Variants in MGAM observed in about 807,000 individuals in gnomAD.
MGAM encodes the protein alpha-1,4-glucosidase.
Under a neutral mutation model 358.8 loss-of-function variants are expected in MGAM, and 253 were observed. The observed-to-expected ratio is 0.71, with a 90% CI of 0.64 to 0.78. The LOEUF is 0.78. MGAM is among the 30% of genes least tolerant of loss of function. The pLI is 0.00. For missense variants in MGAM, 3,080 were observed against 3,432.6 expected, an observed-to-expected ratio of 0.90 and a Z score of 2.57; for synonymous variants, 1,105 against 1,227.1, an observed-to-expected ratio of 0.90 and a Z score of 2.08.
rs782559466 is a variant in MGAM at position 142,008,507 on chromosome 7, C to T, written c.129C>T (p.Ala43=). ...TTTTTATGTTTGCTTTTGGTATAGCCCCAGATCCTGGGACAACTGGTACCC... is the reference window on the plus strand; with the variant it reads ...TTTTTATGTTTGCTTTTGGTATAGCTCCAGATCCTGGGACAACTGGTACCC... The part of the protein sequence containing the change: ...LLAKESLKST[A]PDPGTTGTPD... The change falls in exon 3 of 71, where the codon GCC becomes GCT. Residue 43 remains alanine (A), a splice_region_variant and synonymous_variant. Transcript: ENST00000475668. The T allele has an allele frequency of 6.2e-7, 1 of 1,607,572 alleles. No individual in the cohort carries two copies. Among genetic ancestry groups the T allele is most frequent in the Non-Finnish European group, 8.5e-7 (1 of 1,176,790 alleles).
chr7:142,105,988 C>A lies in MGAM; in HGVS notation c.*97C>A, dbSNP rs1254394429. ...ATTGTGTGTTGCTAATTTGTTCATA[C>A]CCACTATTGGTGAAATATTTCTGTT... On this transcript the variant is annotated 3_prime_UTR_variant, in exon 71 of 71. Coordinates refer to ENST00000475668, the MANE Select transcript of MGAM (RefSeq NM_001365693.1). The A allele has an allele frequency of 3.2e-6, 3 of 938,950 alleles. No homozygotes were observed. The highest frequency in any genetic ancestry group is 2.5e-5 in the East Asian group (1 of 40,274). The allele number at this position is 938,950 out of a possible 1,614,324, so 58.2% of individuals were successfully genotyped here. A position where few individuals can be genotyped will look rare whatever the true frequency, so the allele number is the denominator to read the frequency against.
rs1168535978 is a variant in MGAM, at chr7:142,062,658, C to T, written c.4213C>T (p.Pro1405Ser). 3.7e-6 allele frequency: 6 copies of T among 1,611,306 alleles called. No individual in the cohort carries two copies. The Admixed American group carries it at 5.0e-5, about 14-fold the overall frequency. The change falls in exon 35 of 71, where the codon CCA becomes TCA. Residue 1405 changes from proline to serine, a missense_variant. Physicochemically the swap from Pro to Ser is moderately conservative, Grantham distance 74. Transcript: ENST00000475668. ...KREIEELYNN[P>S]QNPERSLKFD... The stretch of plus-strand genomic sequence containing the variant: ...GGAAATAGAAGAACTATACAACAAT[C>T]CACAGAATCCAGAGAGGAGCTTGAA...
intron 53 of MGAM, among the ~76,000 whole-genome samples, 153 bp from the exon 54 acceptor site, chr7:142,084,366 A>G (rs1166709885): frequency 3.4e-5 from 5 of 146,308 alleles, no homozygotes; most frequent in African/African-American, 1.2e-4. Flanking sequence ...TTCTCCAAGT[A>G]TCCTAGTGGC....
In MGAM at chr7:142,073,035, C is replaced by T. The variant is rs375529845; in HGVS notation, c.5187-1050C>T. On this transcript the variant is annotated intron_variant, in intron 44 of 70. Transcript: ENST00000475668. ...ATATATGTTATAATTTATCTAGGAT[C>T]AGGTAATATTTTACTGGGTAAGTCT... Among the ~76,000 whole-genome samples the T allele has an allele frequency of 8.9e-5, 13 of 146,096 alleles. 1 individual carries two copies. Among genetic ancestry groups the T allele is most frequent in the African/African-American group, 2.9e-4 (12 of 41,198 alleles).
chr7:142,003,653 A>T (rs1265772717), intron 1 of MGAM, among the ~76,000 whole-genome samples: 1 of 152,050 alleles, frequency 6.6e-6, no homozygotes, highest in Non-Finnish European at 1.5e-5. Flanking sequence ...AGAATTTATG[A>T]CCAAGTCCTC....
rs149075924 is a variant in MGAM, at chr7:141,996,257, C to T, written c.-3+327C>T. Among the ~76,000 whole-genome samples the T allele has an allele frequency of 2.1e-3, 315 of 150,764 alleles. 4 individuals carry two copies. Among genetic ancestry groups the T allele is most frequent in the African/African-American group, 7.0e-3 (285 of 40,994 alleles). On this transcript the variant is annotated intron_variant, in intron 1 of 70. Transcript: ENST00000475668. ...TAGAGCTTGCAGTGAGCCGAGATCA[C>T]GCCACTGCACTCCAGCCTGGGTCGT... is the stretch of plus-strand genomic sequence containing the variant.
chr7:142,073,939 C>G lies in MGAM; in HGVS notation c.5187-146C>G. Reference sequence around the variant, plus strand: ...CTGTTGATATTATAGAAAAATGCATCTGTCGATTTTGTGTTTGTACCTCAA... The same window carrying G: ...CTGTTGATATTATAGAAAAATGCATGTGTCGATTTTGTGTTTGTACCTCAA... On this transcript the variant is annotated intron_variant, in intron 44 of 70. Transcript: ENST00000475668. The G allele has an allele frequency of 3.2e-6, 2 of 632,996 alleles. 1 individual carries two copies. The highest frequency in any genetic ancestry group is 5.6e-6 in the Non-Finnish European group (2 of 358,620). The allele number at this position is 632,996 out of a possible 1,614,324, so 39.2% of individuals were successfully genotyped here.
At chr7:142,055,056 C>G in intron 27 of MGAM, 148 bp downstream of exon 27, 1 of 1,029,908 alleles carries the variant, frequency 9.7e-7, no homozygotes. Context: ...CCTATTCTTA[C>G]AGGAAATCTT....
chr7:142,064,564 C>G lies in MGAM; in HGVS notation c.4484+42C>G, dbSNP rs374048326. On this transcript the variant is annotated intron_variant, in intron 37 of 70. Coordinates refer to ENST00000475668, the MANE Select transcript of MGAM (RefSeq NM_001365693.1). Reference sequence around the variant, plus strand: ...CTTCTCCAGCTGTCACAACCTATAGCGATTGCCAGTGACTGACATAGCTAC... The same window carrying G: ...CTTCTCCAGCTGTCACAACCTATAGGGATTGCCAGTGACTGACATAGCTAC... 201 of 1,553,356 alleles carry G rather than the reference C, an allele frequency of 1.3e-4. No individual in the cohort carries two copies. In the African/African-American group the frequency reaches 2.4e-3, roughly 18 times the overall value.
chr7:142,066,285 T>A (rs1427644999), intron 40 of MGAM, among the ~76,000 whole-genome samples: 1 of 146,280 alleles, frequency 6.8e-6, no homozygotes, highest in East Asian at 2.0e-4. Context: ...GGTGTCTCAA[T>A]GAACCATATT....
intron 10 of MGAM, 82 bp from the exon 11 acceptor site, chr7:142,030,280 T>A: frequency 1.4e-6 from 2 of 1,417,146 alleles, no homozygotes; most frequent in Non-Finnish European, 9.6e-7. Flanking sequence ...TTGTTTATCC[T>A]GAATAATAAC....
At chr7:142,030,791 G>A in intron 12 of MGAM, 34 bp downstream of exon 12, 1 of 1,352,312 alleles carries the variant, frequency 7.4e-7, no homozygotes, top group Non-Finnish European at 1.1e-6. Context: ...GCTGGTGGAG[G>A]GGCTGCATAG....
intron 26 of MGAM, among the ~76,000 whole-genome samples, chr7:142,053,541 A>G (rs1811218007): frequency 6.6e-6 from 1 of 152,188 alleles, no homozygotes; most frequent in Non-Finnish European, 1.5e-5. Context: ...ATGGCCATCA[A>G]TATGCAGTAA....
At chr7:142,066,746 T>C (rs1812796737) in intron 41 of MGAM, 25 bp downstream of exon 41, 3 of 1,546,078 alleles carry the variant, frequency 1.9e-6, no homozygotes, top group East Asian at 4.6e-5. Flanking sequence ...GGGATCCCGA[T>C]GACTAATGGA....
chr7:142,031,857 A>G, intron 13 of MGAM, 64 bp downstream of exon 13: 2 of 1,152,936 alleles, frequency 1.7e-6, no homozygotes, highest in South Asian at 2.5e-5. Context: ...CTGTATCTGT[A>G]TCTTTGAGTC....
Position 142,021,706 on chromosome 7 carries a change from A to C in MGAM, c.679A>C (p.Lys227Gln). ...AATCTCCAGACAGCCATTTAGCATCAAAGTGACCAGAAGAAGCAACAATCG... is the reference window on the plus strand; with the variant it reads ...AATCTCCAGACAGCCATTTAGCATCCAAGTGACCAGAAGAAGCAACAATCG... ...VEISRQPFSI[K>Q]VTRRSNNRVL... The change falls in exon 6 of 71, where the codon AAA becomes CAA. Residue 227 changes from lysine (K) to glutamine (Q), a missense_variant. Physicochemically the swap from Lys to Gln is moderately conservative, Grantham distance 53. Transcript: ENST00000475668. 1.2e-6 allele frequency: 2 copies of C among 1,613,942 alleles called. No individual in the cohort carries two copies. The highest frequency in any genetic ancestry group is 1.7e-6 in the Non-Finnish European group (2 of 1,179,824).
chr7:142,082,334 T>C (rs62477631), intron 51 of MGAM, 124 bp downstream of exon 51: 497,111 of 1,302,120 alleles, frequency 0.38, 129,643 homozygotes, highest in Middle Eastern at 0.41. Flanking sequence ...AGTGGGCCAA[T>C]TCTCAGGCTC....
chr7:142,017,831 T>C (rs1554456792), intron 3 of MGAM, among the ~76,000 whole-genome samples: 1 of 152,166 alleles, frequency 6.6e-6, no homozygotes. Flanking sequence ...TTTCTGACCA[T>C]TTGCAAGGCT....
intron 35 of MGAM, 124 bp downstream of exon 35, chr7:142,062,826 G>C: frequency 3.4e-6 from 5 of 1,473,190 alleles, no homozygotes; most frequent in Non-Finnish European, 4.5e-6. Flanking sequence ...GGACATAGCA[G>C]ACACTTCTTC....
Sources: gnomAD v4.1 joint callset for allele counts (sites outside exome capture counted in the v4.1 genomes callset) on GRCh38, gnomAD v4.1.1 for gene constraint, MANE v1.5 for transcripts, NCBI Gene and HGNC (gene_info 2026-07-23, HGNC 2026-07-21) for gene names.